Variants in PARVB observed in about 807,000 individuals in gnomAD.
PARVB encodes parvin beta.
PARVB carries 46 observed loss-of-function variants against 47.0 expected under a neutral mutation model. That is an observed-to-expected ratio of 0.98 (90% CI 0.77 to 1.25). The LOEUF is 1.25. Ranked by LOEUF, PARVB falls within the 50% of genes most tolerant of loss-of-function variation. The pLI is 0.00. For synonymous variants in PARVB, 196 were observed against 196.3 expected, an observed-to-expected ratio of 1.00 and a Z score of 0.01; for missense variants, 473 against 471.6, an observed-to-expected ratio of 1.00 and a Z score of -0.03.
chr22:44,017,749 G>A (rs1040740863), intron 2 of PARVB, among the ~76,000 whole-genome samples: 3 of 152,076 alleles, frequency 2.0e-5, no homozygotes, highest in Admixed American at 6.6e-5. Context: ...CTCGGCTTTT[G>A]CCCATTCACA....
At chr22:44,043,898 CTCA>C (rs2051066813) in intron 1 of PARVB, among the ~76,000 whole-genome samples, 1 of 152,172 alleles carries the variant, frequency 6.6e-6, no homozygotes, top group Non-Finnish European at 1.5e-5. Flanking sequence ...CCTCCTCCTC[CTCA>C]TCTTCCTGTT....
At chr22:44,002,585 A>G (rs2146841533) in intron 2 of PARVB, among the ~76,000 whole-genome samples, 1 of 152,280 alleles carries the variant, frequency 6.6e-6, no homozygotes, top group South Asian at 2.1e-4. Context: ...AGAACCTGCC[A>G]ATCCCAGTGG....
intron 4 of PARVB, among the ~76,000 whole-genome samples, chr22:44,122,051 A>G (rs77802325): frequency 0.027 from 4,113 of 152,304 alleles, 165 homozygotes; most frequent in African/African-American, 0.093. Flanking sequence ...TGGTCATGTC[A>G]TCCATTTAAT....
rs2053807529 is a variant in PARVB, at chr22:44,151,486, C to T, written c.778C>T (p.Leu260Phe). The T allele has an allele frequency of 5.0e-6, 8 of 1,613,376 alleles. No homozygotes were observed. The South Asian group carries it at 8.8e-5, about 18-fold the overall frequency. ...PDKLSVVKKS[L>F]ITFVNKHLNK... is the part of the protein sequence containing the mutation. ...GTGTCTCTTTTATTCTTGGCAGTCTCTCATCACTTTTGTGAACAAGCACCT... is the reference window on the plus strand; with the variant it reads ...GTGTCTCTTTTATTCTTGGCAGTCTTTCATCACTTTTGTGAACAAGCACCT... The change falls in exon 10 of 13, where the codon CTC (leucine) becomes TTC (phenylalanine). Residue 260 changes from leucine (L) to phenylalanine (F), a missense_variant. Coordinates refer to ENST00000338758, the MANE Select transcript of PARVB (RefSeq NM_013327.5).
intron 1 of PARVB, among the ~76,000 whole-genome samples, chr22:44,076,644 C>T (rs1290917561): frequency 2.0e-5 from 3 of 152,150 alleles, no homozygotes; most frequent in Admixed American, 1.3e-4. Flanking sequence ...TGTTTATAGG[C>T]GTGCCTGGGT....
chr22:44,024,310 T>C lies in PARVB; in HGVS notation c.-30T>C, dbSNP rs1264438988. ...GGCGACCGGGCGGCTCCACACGCGCTGCGCCCGCCGCCGGCCCCACGCGCG... is the reference window on the plus strand; with the variant it reads ...GGCGACCGGGCGGCTCCACACGCGCCGCGCCCGCCGCCGGCCCCACGCGCG... On this transcript the variant is annotated 5_prime_UTR_variant, in exon 1 of 13. Transcript: ENST00000338758. 33 of 1,001,136 alleles carry C rather than the reference T, an allele frequency of 3.3e-5. No homozygotes were observed. Among genetic ancestry groups the C allele is most frequent in the Non-Finnish European group, 3.6e-5 (30 of 841,434 alleles). 62.0% of individuals were successfully genotyped at this position (1,001,136 alleles called of 1,614,324 possible). A position where few individuals can be genotyped will look rare whatever the true frequency, so the allele number is the denominator to read the frequency against.
At chr22:44,070,196 A>G (rs1006770058) in intron 1 of PARVB, among the ~76,000 whole-genome samples, 2 of 152,204 alleles carry the variant, frequency 1.3e-5, no homozygotes, top group Non-Finnish European at 2.9e-5. Context: ...GCTGAAGCCC[A>G]GAGAGGTTAA....
At chr22:44,030,472 G>T (rs2050805908) in intron 1 of PARVB, among the ~76,000 whole-genome samples, 1 of 152,226 alleles carries the variant, frequency 6.6e-6, no homozygotes, top group South Asian at 2.1e-4. Context: ...GGGCTGGAGA[G>T]GTGAGCAGCC....
intron 2 of PARVB, among the ~76,000 whole-genome samples, chr22:44,004,088 C>G (rs1025639788): frequency 6.6e-6 from 1 of 152,188 alleles, no homozygotes; most frequent in Non-Finnish European, 1.5e-5. Flanking sequence ...GCATGTCATT[C>G]TCTGGTCAGA....
At chr22:44,013,933 C>T (rs185352952) in intron 2 of PARVB, among the ~76,000 whole-genome samples, 2 of 152,070 alleles carry the variant, frequency 1.3e-5, no homozygotes, top group Non-Finnish European at 2.9e-5. Context: ...ATGCCTGGCT[C>T]GGTGTAACTT....
intron 3 of PARVB, among the ~76,000 whole-genome samples, chr22:44,117,940 G>T (rs988772404): frequency 1.2e-4 from 18 of 152,206 alleles, no homozygotes; most frequent in South Asian, 4.1e-4. Flanking sequence ...AGGTGGAATT[G>T]TGTTTGGCGG....
chr22:44,029,413 TCTTGA>T (rs2050785442), intron 1 of PARVB, among the ~76,000 whole-genome samples: 1 of 152,254 alleles, frequency 6.6e-6, no homozygotes, highest in African/African-American at 2.4e-5. Context: ...CTTCCCTGTC[TCTTGA>T]TCCTGATATC....
Position 44,043,287 on chromosome 22 carries a change from G to C in PARVB, c.112+18836G>C, listed in dbSNP as rs146485539. ...CCTCATGGGTACAGGGATTATTTTGGGGGTGACGAAAATGTTCTTACATTG... is the reference window on the plus strand; with the variant it reads ...CCTCATGGGTACAGGGATTATTTTGCGGGTGACGAAAATGTTCTTACATTG... On this transcript the variant is annotated intron_variant, in intron 1 of 12. Coordinates refer to ENST00000338758, the MANE Select transcript of PARVB (RefSeq NM_013327.5). Among the ~76,000 whole-genome samples, 384 of 152,284 alleles carry C rather than the reference G, an allele frequency of 2.5e-3. 5 individuals carry two copies. The highest frequency in any genetic ancestry group is 8.2e-3 in the African/African-American group (340 of 41,552).
intron 1 of PARVB, among the ~76,000 whole-genome samples, chr22:44,035,916 A>G (rs1440280803): frequency 3.3e-5 from 5 of 152,124 alleles, no homozygotes; most frequent in Non-Finnish European, 5.9e-5. Context: ...GGCTACTATT[A>G]CAGTGGTGCA....
chr22:44,019,333 C>T (rs2050619908), upstream of PARVB, among the ~76,000 whole-genome samples: 1 of 152,120 alleles, frequency 6.6e-6, no homozygotes, highest in Non-Finnish European at 1.5e-5. Context: ...GATTCTCCTG[C>T]CTCAGCCTCC....
At chr22:44,126,654 A>G (rs1010236151) in intron 4 of PARVB, among the ~76,000 whole-genome samples, 5 of 152,114 alleles carry the variant, frequency 3.3e-5, no homozygotes, top group African/African-American at 4.8e-5. Context: ...GTTGCTGGTG[A>G]TGGCCCTCTG....
At chr22:44,156,110 G>A (rs1003014656) in intron 10 of PARVB, among the ~76,000 whole-genome samples, 14 of 151,842 alleles carry the variant, frequency 9.2e-5, no homozygotes, top group African/African-American at 2.9e-4. Context: ...AGGTTGCAGT[G>A]AGCCGAGATC....
At position 44,151,299 on chromosome 22, in the gene PARVB, T is replaced by G. The variant is rs1046290607; in HGVS notation, c.775-184T>G. 6 of 567,038 alleles carry G rather than the reference T, an allele frequency of 1.1e-5. No individual in the cohort carries two copies. The African/African-American group carries it at 1.1e-4, about 11-fold the overall frequency. The allele number at this position is 567,038 out of a possible 1,614,324, so 35.1% of individuals were successfully genotyped here. ...GTAGCCAGGATAGATGTGGGCATTATGCCATGAAAACTAGGGGCTACTGTC... is the reference window on the plus strand; with the variant it reads ...GTAGCCAGGATAGATGTGGGCATTAGGCCATGAAAACTAGGGGCTACTGTC... On this transcript the variant is annotated intron_variant, in intron 9 of 12. Transcript: ENST00000338758.
In PARVB at chr22:44,100,098, A is replaced by G; in HGVS notation, c.248A>G (p.Asp83Gly). Residue 83 changes from aspartate (D) to glycine (G), a missense_variant, in exon 3 of 13, where the codon GAC (aspartate) becomes GGC (glycine). By Grantham distance (94) the Asp-to-Gly change is moderately conservative (BLOSUM62 -1). Coordinates refer to ENST00000338758, the MANE Select transcript of PARVB (RefSeq NM_013327.5). Reference protein sequence around the residue: ...RTMIDPTSKEDPKFKELVKVL... With the variant: ...RTMIDPTSKEGPKFKELVKVL... ...ATGATTGACCCCACTTCCAAGGAAG[A>G]CCCCAAGTTCAAGGAACTGGTCAAG... 1 of 1,613,930 alleles carries G rather than the reference A, an allele frequency of 6.2e-7. No homozygotes were observed. Among genetic ancestry groups the G allele is most frequent in the Non-Finnish European group, 8.5e-7 (1 of 1,179,892 alleles).
Sources: gnomAD v4.1 joint callset for allele counts (sites outside exome capture counted in the v4.1 genomes callset) on GRCh38, gnomAD v4.1.1 for gene constraint, MANE v1.5 for transcripts, NCBI Gene and HGNC (gene_info 2026-07-23, HGNC 2026-07-21) for gene names.